Variants in ZNF385D observed in about 807,000 individuals in gnomAD.
ZNF385D encodes the protein zinc finger protein 385D.
A neutral mutation model predicts 35.8 loss-of-function variants in ZNF385D; 15 were observed. The observed-to-expected ratio is 0.42, with a 90% CI of 0.28 to 0.64. The LOEUF is 0.64. ZNF385D is among the 30% of genes least tolerant of loss of function. The pLI is 0.23. For synonymous variants in ZNF385D, 212 were observed against 186.8 expected, an observed-to-expected ratio of 1.13 and a Z score of -1.10; for missense variants, 474 against 494.6, an observed-to-expected ratio of 0.96 and a Z score of 0.39.
chr3:22,342,080 C>A lies in ZNF385D; in HGVS notation c.106+30370G>T, dbSNP rs534344450. ...CACGAGGTCAGGAAATCGAGACCAT[C>A]CTGGCTAACACGGTGAAACCCCGTC... On this transcript the variant is annotated intron_variant, in intron 2 of 5. Transcript: ENST00000494108. Among the ~76,000 whole-genome samples, 312 of 152,010 alleles carry A rather than the reference C, an allele frequency of 2.1e-3. 1 individual carries two copies. The highest frequency in any genetic ancestry group is 7.3e-3 in the African/African-American group (301 of 41,478).
intron 3 of ZNF385D, among the ~76,000 whole-genome samples, chr3:21,826,251 A>C (rs1438871213): frequency 6.6e-6 from 1 of 152,208 alleles, no homozygotes; most frequent in East Asian, 1.9e-4. Context: ...AGAATATGGG[A>C]GAGGGGAATG....
intron 4 of ZNF385D, among the ~76,000 whole-genome samples, chr3:21,446,647 C>T (rs921030597): frequency 6.6e-6 from 1 of 151,738 alleles, no homozygotes; most frequent in Admixed American, 6.6e-5. Flanking sequence ...GGGTGTGCCA[C>T]CACACCTGGC....
chr3:22,257,080 C>G (rs1700356277), intron 2 of ZNF385D, among the ~76,000 whole-genome samples: 1 of 151,808 alleles, frequency 6.6e-6, no homozygotes, highest in African/African-American at 2.4e-5. Flanking sequence ...GCTTCAAGAT[C>G]ATACAGAAGG....
At chr3:21,774,464 G>A (rs139404573) in intron 3 of ZNF385D, among the ~76,000 whole-genome samples, 2 of 151,874 alleles carry the variant, frequency 1.3e-5, no homozygotes, top group African/African-American at 2.4e-5. Context: ...AACAAAACAG[G>A]AGTCAAATGA....
chr3:22,178,750 T>C (rs1695010964), intron 2 of ZNF385D, among the ~76,000 whole-genome samples: 1 of 152,224 alleles, frequency 6.6e-6, no homozygotes, highest in Non-Finnish European at 1.5e-5. Flanking sequence ...TTATCTTGAA[T>C]TAATTTTTGT....
intron 3 of ZNF385D, among the ~76,000 whole-genome samples, chr3:22,140,900 C>CT (rs1218227921): frequency 6.6e-6 from 1 of 152,130 alleles, no homozygotes; most frequent in Non-Finnish European, 1.5e-5. Context: ...CAATACCCTA[C>CT]TTTTTTAGTC....
intron 3 of ZNF385D, among the ~76,000 whole-genome samples, chr3:21,851,980 G>A (rs1397572062): frequency 1.3e-5 from 2 of 151,850 alleles, no homozygotes; most frequent in African/African-American, 2.4e-5. Flanking sequence ...GTCTGATATT[G>A]TTACTTATCT....
intron 2 of ZNF385D, among the ~76,000 whole-genome samples, chr3:22,312,168 TATG>T (rs1217360726): frequency 6.6e-6 from 1 of 152,192 alleles, no homozygotes; most frequent in Non-Finnish European, 1.5e-5. Flanking sequence ...CCCTTTGTAT[TATG>T]ATACTCGTTT....
chr3:21,873,462 A>C (rs985379977), intron 3 of ZNF385D, among the ~76,000 whole-genome samples: 1 of 152,098 alleles, frequency 6.6e-6, no homozygotes, highest in Admixed American at 6.6e-5. Context: ...ACTTATTGCC[A>C]TATTTTCTCT....
At chr3:22,286,202 AATAAG>A (rs1273933162) in intron 2 of ZNF385D, among the ~76,000 whole-genome samples, 5 of 152,148 alleles carry the variant, frequency 3.3e-5, no homozygotes, top group South Asian at 2.1e-4. Context: ...TTAATATTTA[AATAAG>A]ATAATTAATA....
rs145526658 is a variant in ZNF385D, at chr3:22,257,090, G to A, written c.107-88055C>T. 1.8e-4 allele frequency among the ~76,000 whole-genome samples: 28 copies of A among 151,886 alleles called. No homozygotes were observed. The East Asian group carries it at 5.5e-3, about 30-fold the overall frequency. ...GGTATGCTTCAAGATCATACAGAAG[G>A]CTGAAACAACAGGACCTTGGGAGAC... On this transcript the variant is annotated intron_variant, in intron 2 of 5. Transcript: ENST00000494108.
At chr3:21,788,486 G>C (rs1205191678) in intron 3 of ZNF385D, among the ~76,000 whole-genome samples, 2 of 152,158 alleles carry the variant, frequency 1.3e-5, no homozygotes, top group Non-Finnish European at 2.9e-5. Context: ...ATTACCTAGA[G>C]ACAAATGTGA....
intron 2 of ZNF385D, among the ~76,000 whole-genome samples, chr3:21,576,583 T>G (rs963038851): frequency 3.9e-5 from 6 of 152,210 alleles, no homozygotes; most frequent in African/African-American, 1.4e-4. Context: ...ATTTGTCAGT[T>G]AAGCCCTGGG....
chr3:22,191,410 C>G (rs577725790), intron 2 of ZNF385D, among the ~76,000 whole-genome samples: 1 of 151,534 alleles, frequency 6.6e-6, no homozygotes, highest in Non-Finnish European at 1.5e-5. Context: ...TTGTTTGAAC[C>G]TGGGAGGCGG....
chr3:21,837,576 T>A (rs925621163), intron 3 of ZNF385D, among the ~76,000 whole-genome samples: 1 of 151,974 alleles, frequency 6.6e-6, no homozygotes. Flanking sequence ...CCAGCTTGGA[T>A]TTAAAAGGTT....
chr3:21,537,148 T>TTA (rs57811952), intron 3 of ZNF385D, among the ~76,000 whole-genome samples: 29 of 146,280 alleles, frequency 2.0e-4, no homozygotes, highest in Non-Finnish European at 3.8e-4. Context: ...TTTTTTTTTT[T>TTA]ATGAGATGGA....
chr3:22,190,943 T>G (rs1488305801), intron 2 of ZNF385D, among the ~76,000 whole-genome samples: 1 of 152,152 alleles, frequency 6.6e-6, no homozygotes, highest in East Asian at 1.9e-4. Flanking sequence ...GAAAAGTACC[T>G]AAAAGTCATA....
chr3:22,250,960 C>A (rs1700031213), intron 2 of ZNF385D, among the ~76,000 whole-genome samples: 1 of 152,026 alleles, frequency 6.6e-6, no homozygotes, highest in Admixed American at 6.6e-5. Flanking sequence ...TTTCACGTTT[C>A]TCTGCCCATC....
intron 3 of ZNF385D, among the ~76,000 whole-genome samples, chr3:21,782,030 T>A (rs1011083431): frequency 6.6e-6 from 1 of 152,106 alleles, no homozygotes; most frequent in African/African-American, 2.4e-5. Flanking sequence ...CGAGGACTCC[T>A]CTGCACCCTA....
Sources: allele counts gnomAD v4.1 joint callset (sites outside exome capture counted in the v4.1 genomes callset), GRCh38; gene constraint gnomAD v4.1.1; transcripts MANE v1.5; gene names NCBI Gene and HGNC (gene_info 2026-07-23, HGNC 2026-07-21).